RMDN2: variants seen among roughly 807,000 people sequenced by gnomAD.
RMDN2 encodes the protein regulator of microtubule dynamics 2.
A neutral mutation model predicts 52.8 loss-of-function variants in RMDN2; 61 were observed. The ratio of observed to expected loss-of-function variants is 1.16; its 90% confidence interval spans 0.94 to 1.43. RMDN2 has a LOEUF of 1.43. RMDN2 is among the 40% of genes most tolerant of loss of function. RMDN2 has a pLI of 0.00. For missense variants in RMDN2, 592 were observed against 475.3 expected (o/e 1.25, Z -2.28); for synonymous variants, 180 against 153.1 (o/e 1.18, Z -1.30).
At chr2:37,942,032 G>A (rs534423503) in intron 2 of RMDN2, among the ~76,000 whole-genome samples, 19 of 152,230 alleles carry the variant, frequency 1.2e-4, no homozygotes, top group African/African-American at 4.3e-4. Context: ...CCCTTGTGGT[G>A]TAGGCACCCG....
At chr2:37,951,204 T>C in intron 2 of RMDN2, 3 of 1,519,804 alleles carry the variant, frequency 2.0e-6, no homozygotes, top group Non-Finnish European at 2.6e-6. Flanking sequence ...CTATTTTTTT[T>C]CCTCATTTGA....
chr2:37,998,488 T>C (rs918084956), intron 8 of RMDN2: 1 of 152,232 alleles, frequency 6.6e-6, no homozygotes, highest in African/African-American at 2.4e-5. Context: ...ATCACACCAC[T>C]GCACTCCAGC....
intron 10 of RMDN2, among the ~76,000 whole-genome samples, chr2:38,023,284 G>A (rs1309428361): frequency 6.6e-6 from 1 of 152,098 alleles, no homozygotes; most frequent in Admixed American, 6.5e-5. Flanking sequence ...GAATTGAGAT[G>A]TGGGAAGTGA....
In RMDN2 at chr2:38,062,876, T is replaced by C. The variant is rs1457109331; in HGVS notation, c.1714-4106T>C. Among the ~76,000 whole-genome samples the C allele has an allele frequency of 2.8e-4, 42 of 151,952 alleles. 1 individual carries two copies. Among genetic ancestry groups the C allele is most frequent in the Admixed American group, 2.8e-3 (42 of 15,236 alleles). On this transcript the variant is annotated intron_variant, in intron 10 of 10. Transcript: ENST00000234195. ...AGTGAGAACATGCGGTGTTTGGTTT[T>C]TTGTCCCTGCCATAGTTTGCTGAGA...
At chr2:37,988,109 A>T (rs1261788061) in intron 5 of RMDN2, among the ~76,000 whole-genome samples, 1 of 152,196 alleles carries the variant, frequency 6.6e-6, no homozygotes, top group Non-Finnish European at 1.5e-5. Context: ...AGGATAGGAG[A>T]TATATGGGAA....
At chr2:37,925,073 C>T (rs1338188711), upstream of RMDN2, among the ~76,000 whole-genome samples, 2 of 152,252 alleles carry the variant, frequency 1.3e-5, no homozygotes, top group South Asian at 2.1e-4. Context: ...AGGCCCAGAG[C>T]CCAGGCGGGG....
At chr2:37,976,495 C>T (rs376197863) in intron 4 of RMDN2, 80 of 152,300 alleles carry the variant, frequency 5.3e-4, no homozygotes, top group African/African-American at 1.9e-3. Flanking sequence ...ATTTTTATTT[C>T]CAAGTAGAAA....
chr2:37,956,098 G>A (rs1669420953), intron 2 of RMDN2, among the ~76,000 whole-genome samples: 1 of 152,114 alleles, frequency 6.6e-6, no homozygotes, highest in African/African-American at 2.4e-5. Flanking sequence ...CCTCTTCAGT[G>A]TTTTGGAAGA....
At chr2:38,045,162 G>A (rs1018165035) in intron 10 of RMDN2, among the ~76,000 whole-genome samples, 3 of 152,140 alleles carry the variant, frequency 2.0e-5, no homozygotes, top group East Asian at 1.9e-4. Context: ...TAGAAAATAC[G>A]TAATTTAAAT....
intron 2 of RMDN2, chr2:37,951,311 C>G: frequency 6.2e-7 from 1 of 1,612,812 alleles, no homozygotes; most frequent in Non-Finnish European, 8.5e-7. Flanking sequence ...ATCGTGGAGC[C>G]TCTTCTATTT....
intron 10 of RMDN2, among the ~76,000 whole-genome samples, chr2:38,062,278 C>A (rs1395505733): frequency 6.6e-6 from 1 of 152,222 alleles, no homozygotes; most frequent in African/African-American, 2.4e-5. Flanking sequence ...TTCATCATGA[C>A]ACTTTTGTCT....
chr2:38,012,287 A>T (rs1365787187), intron 10 of RMDN2, among the ~76,000 whole-genome samples: 1 of 152,182 alleles, frequency 6.6e-6, no homozygotes. Context: ...GAAAGCCCCT[A>T]TACTTTTCCT....
intron 7 of RMDN2, among the ~76,000 whole-genome samples, chr2:37,995,777 C>T (rs1217826888): frequency 6.6e-6 from 1 of 152,092 alleles, no homozygotes; most frequent in Non-Finnish European, 1.5e-5. Context: ...GAACTGATGT[C>T]ATGCAGTTTT....
chr2:38,004,919 G>C (rs1010046349), intron 10 of RMDN2, among the ~76,000 whole-genome samples: 1 of 151,448 alleles, frequency 6.6e-6, no homozygotes. Flanking sequence ...TGATTGTTCA[G>C]TTCCCACCTA....
intron 10 of RMDN2, among the ~76,000 whole-genome samples, chr2:38,006,064 C>A (rs1391433963): frequency 6.6e-6 from 1 of 152,110 alleles, no homozygotes; most frequent in Non-Finnish European, 1.5e-5. Flanking sequence ...TGGTCTATAT[C>A]TCTGTTTTGG....
intron 10 of RMDN2, among the ~76,000 whole-genome samples, chr2:38,048,775 A>G (rs1264196313): frequency 6.6e-6 from 1 of 152,236 alleles, no homozygotes; most frequent in Non-Finnish European, 1.5e-5. Context: ...ACCATCCCAC[A>G]TGGACGATAG....
At chr2:38,012,504 G>C (rs545479517) in intron 10 of RMDN2, 1 of 411,884 alleles carries the variant, frequency 2.4e-6, no homozygotes, top group South Asian at 1.9e-5. Context: ...TAATAAAGAG[G>C]ACTCCTAATG....
At chr2:38,048,114 G>A (rs935021438) in intron 10 of RMDN2, among the ~76,000 whole-genome samples, 1 of 152,120 alleles carries the variant, frequency 6.6e-6, no homozygotes, top group South Asian at 2.1e-4. Context: ...TCCTTCTTTG[G>A]CAAGTATGTT....
At chr2:38,045,761 G>C (rs1358324472) in intron 10 of RMDN2, among the ~76,000 whole-genome samples, 1 of 152,198 alleles carries the variant, frequency 6.6e-6, no homozygotes, top group Non-Finnish European at 1.5e-5. Context: ...CCCCAGCTTA[G>C]TTGGTATGAG....
Sources: allele counts gnomAD v4.1 joint callset (sites outside exome capture counted in the v4.1 genomes callset), GRCh38; gene constraint gnomAD v4.1.1; transcripts MANE v1.5; gene names NCBI Gene and HGNC (gene_info 2026-07-23, HGNC 2026-07-21).